The following FNDC1 variants were observed in gnomAD, a reference collection of about 807,000 sequenced individuals.
FNDC1 encodes fibronectin type III domain containing 1.
In FNDC1, 96 loss-of-function variants were observed where a neutral mutation model predicts 168.0. The ratio of observed to expected loss-of-function variants is 0.57; its 90% CI spans 0.48 to 0.68. The LOEUF (loss-of-function observed/expected upper bound fraction) is 0.68. FNDC1 is among the 30% of genes least tolerant of loss of function. The pLI, the probability that FNDC1 is intolerant of heterozygous loss-of-function variation, is 0.00. For missense variants in FNDC1, 2,587 were observed against 2,482.1 expected, an observed-to-expected ratio of 1.04 and a Z score of -0.90; for synonymous variants, 1,099 against 1,025.9, an observed-to-expected ratio of 1.07 and a Z score of -1.36.
intron 14 of FNDC1, among the ~76,000 whole-genome samples, chr6:159,246,352 A>G (rs927213849): frequency 6.6e-6 from 1 of 152,232 alleles, no homozygotes; most frequent in African/African-American, 2.4e-5. Flanking sequence ...GGGATGTAGA[A>G]GAGGTAGGAA....
At chr6:159,200,290 A>T (rs1782348040) in intron 3 of FNDC1, among the ~76,000 whole-genome samples, 1 of 152,242 alleles carries the variant, frequency 6.6e-6, no homozygotes, top group Admixed American at 6.5e-5. Context: ...GGTTATTAGC[A>T]TTTCATCCAG....
intron 4 of FNDC1, among the ~76,000 whole-genome samples, chr6:159,213,399 T>C (rs1182956234): frequency 6.6e-6 from 1 of 152,178 alleles, no homozygotes; most frequent in Non-Finnish European, 1.5e-5. Flanking sequence ...TCAAAGACCT[T>C]TTAAAAAATT....
intron 18 of FNDC1, among the ~76,000 whole-genome samples, chr6:159,258,174 C>T (rs1276693378): frequency 6.6e-6 from 1 of 152,278 alleles, no homozygotes; most frequent in South Asian, 2.1e-4. Context: ...GTGCATGGCT[C>T]ATTCAGTCAG....
chr6:159,221,113 G>A (rs1162922954), intron 5 of FNDC1, among the ~76,000 whole-genome samples: 1 of 152,166 alleles, frequency 6.6e-6, no homozygotes, highest in South Asian at 2.1e-4. Flanking sequence ...GCATTCCACA[G>A]GGAAAGAAAG....
At chr6:159,267,358 G>A (rs944521093) in intron 21 of FNDC1, among the ~76,000 whole-genome samples, 4 of 152,152 alleles carry the variant, frequency 2.6e-5, no homozygotes, top group Admixed American at 2.0e-4. Flanking sequence ...GTGCAGCCAT[G>A]GCTCAGGACC....
intron 19 of FNDC1, 59 bp downstream of exon 19, chr6:159,261,328 C>G: frequency 3.5e-6 from 4 of 1,159,040 alleles, no homozygotes; most frequent in Non-Finnish European, 5.2e-6. Context: ...AATAAATAAT[C>G]TAGCATGATG....
chr6:159,207,013 G>A (rs1349380178), intron 4 of FNDC1, among the ~76,000 whole-genome samples: 1 of 152,200 alleles, frequency 6.6e-6, no homozygotes, highest in Non-Finnish European at 1.5e-5. Flanking sequence ...AAAAATGTGG[G>A]AGACAGAGGT....
chr6:159,239,417 A>G (rs1783349113), intron 13 of FNDC1, 100 bp from the exon 14 acceptor site: 2 of 1,059,844 alleles, frequency 1.9e-6, no homozygotes, highest in Non-Finnish European at 1.3e-6. Context: ...TGATTAAAAC[A>G]TGATAATACA....
intron 17 of FNDC1, among the ~76,000 whole-genome samples, chr6:159,252,644 T>G (rs1777294730): frequency 6.6e-6 from 1 of 152,178 alleles, no homozygotes; most frequent in East Asian, 1.9e-4. Flanking sequence ...AAGTCTGTGG[T>G]GTTCCAAATA....
Position 159,266,100 on chromosome 6 carries a change from G to T in FNDC1, c.5301G>T (p.Trp1767Cys). 1.2e-6 allele frequency: 2 copies of T among 1,613,824 alleles called. No individual in the cohort carries two copies. The highest frequency in any genetic ancestry group is 2.2e-5 in the East Asian group (1 of 44,882). The change falls in exon 21 of 23, where the codon TGG (tryptophan) becomes TGT (cysteine). Residue 1767 changes from tryptophan to cysteine, a missense_variant. Coordinates refer to ENST00000297267, the MANE Select transcript of FNDC1 (RefSeq NM_032532.3). ...GTTGTCAAGGCGGTGAGCCTATCTGGATCCCATTCGCTTTCAAACATGATC... is the reference window on the plus strand; with the variant it reads ...GTTGTCAAGGCGGTGAGCCTATCTGTATCCCATTCGCTTTCAAACATGATC... ...VVRPPGGEPI[W>C]IPFAFKHDPS...
At chr6:159,179,838 A>G (rs1431942582) in intron 1 of FNDC1, among the ~76,000 whole-genome samples, 2 of 152,186 alleles carry the variant, frequency 1.3e-5, no homozygotes, top group Non-Finnish European at 2.9e-5. Flanking sequence ...TTAGTTACAT[A>G]TGATATACCT....
intron 22 of FNDC1, among the ~76,000 whole-genome samples, chr6:159,269,088 CTA>C: frequency 6.6e-6 from 1 of 151,354 alleles, no homozygotes; most frequent in African/African-American, 2.4e-5. Context: ...ATCTATCTAT[CTA>C]TCTATCTATC....
chr6:159,213,148 C>A (rs776257732), intron 4 of FNDC1, among the ~76,000 whole-genome samples: 2 of 152,228 alleles, frequency 1.3e-5, no homozygotes, highest in Non-Finnish European at 2.9e-5. Flanking sequence ...TTCAGTGGGC[C>A]TGGTCTCATT....
At position 159,226,657 on chromosome 6, in the gene FNDC1, G is replaced by A. The variant is rs575502910; in HGVS notation, c.1180+77G>A. 5.4e-5 allele frequency: 62 copies of A among 1,144,876 alleles called. No homozygotes were observed. The African/African-American group carries it at 8.4e-4, about 16-fold the overall frequency. 70.9% of individuals were successfully genotyped at this position (1,144,876 alleles called of 1,614,324 possible). A position where few individuals can be genotyped will look rare whatever the true frequency, so the allele number is the denominator to read the frequency against. On this transcript the variant is annotated intron_variant, in intron 9 of 22. Transcript: ENST00000297267. ...GCCTCTGCTTACGGCTTTGTTGACTGAAAAAGAAATAGGGAAGCAACATAT... is the reference window on the plus strand; with the variant it reads ...GCCTCTGCTTACGGCTTTGTTGACTAAAAAAGAAATAGGGAAGCAACATAT...
Position 159,226,559 on chromosome 6 carries a change from G to C in FNDC1, c.1159G>C (p.Glu387Gln), listed in dbSNP as rs1219185795. Residue 387 changes from glutamate (E) to glutamine (Q), a missense_variant, in exon 9 of 23, where the codon GAG becomes CAG. Physicochemically the swap from Glu to Gln is conservative, Grantham distance 29 (BLOSUM62 2). Transcript: ENST00000297267. ...VVAASWDALP[E>Q]TEGKVKEYIL... Reference sequence around the variant, plus strand: ...CGCTGCATCTTGGGATGCGCTACCAGAGACTGAGGGGAAAGTGAAAGGTAG... The same window carrying C: ...CGCTGCATCTTGGGATGCGCTACCACAGACTGAGGGGAAAGTGAAAGGTAG... 1 of 1,607,274 alleles carries C rather than the reference G, an allele frequency of 6.2e-7. No homozygotes were observed. The highest frequency in any genetic ancestry group is 1.7e-5 in the Admixed American group (1 of 59,276).
intron 18 of FNDC1, among the ~76,000 whole-genome samples, chr6:159,259,908 G>A (rs953673926): frequency 3.3e-5 from 5 of 152,216 alleles, no homozygotes; most frequent in African/African-American, 9.6e-5. Context: ...AAGTATCTCT[G>A]TTCTGAGGCC....
chr6:159,225,105 GTCTTTCTTTT>G (rs1361046550), intron 7 of FNDC1, among the ~76,000 whole-genome samples: 2 of 151,896 alleles, frequency 1.3e-5, no homozygotes, highest in African/African-American at 4.8e-5. Context: ...AGTCTTTTTT[GTCTTTCTTTT>G]CTGGAGAGCT....
At chr6:159,201,796 T>C (rs1782386320) in intron 4 of FNDC1, among the ~76,000 whole-genome samples, 1 of 152,236 alleles carries the variant, frequency 6.6e-6, no homozygotes, top group Non-Finnish European at 1.5e-5. Context: ...GATGGATGTG[T>C]GTGCCTTGCA....
At chr6:159,225,228 A>G (rs1270805209) in intron 7 of FNDC1, among the ~76,000 whole-genome samples, 1 of 152,000 alleles carries the variant, frequency 6.6e-6, no homozygotes, top group Non-Finnish European at 1.5e-5. Context: ...CATATCCCTG[A>G]TAAAGTAGTT....
Sources: allele counts gnomAD v4.1 joint callset (sites outside exome capture counted in the v4.1 genomes callset), GRCh38; gene constraint gnomAD v4.1.1; transcripts MANE v1.5; gene names NCBI Gene and HGNC (gene_info 2026-07-23, HGNC 2026-07-21).